PIK3CB: variants seen among roughly 807,000 people sequenced by gnomAD.
PIK3CB encodes phosphatidylinositol 4,5-bisphosphate 3-kinase catalytic subunit beta isoform.
Under a neutral mutation model 136.8 loss-of-function variants are expected in PIK3CB, and 39 were observed. The ratio of observed to expected loss-of-function variants is 0.29; its 90% CI spans 0.22 to 0.37. The LOEUF is 0.37. Ranked by LOEUF, PIK3CB falls within the 10% of genes least tolerant of loss-of-function variation. The probability of loss-of-function intolerance (pLI) is 1.00; values close to 1 mark genes in which losing one functional copy is unlikely to be tolerated. For missense variants in PIK3CB, 868 were observed against 1,275.4 expected, an observed-to-expected ratio of 0.68 and a Z score of 4.87; for synonymous variants, 428 against 436.6, an observed-to-expected ratio of 0.98 and a Z score of 0.25.
At chr3:138,659,066 C>T (rs572884553) in intron 21 of PIK3CB, among the ~76,000 whole-genome samples, 1 of 152,322 alleles carries the variant, frequency 6.6e-6, no homozygotes, top group African/African-American at 2.4e-5. Context: ...AATACTGGCA[C>T]ACACTGACAT....
chr3:138,666,270 A>C (rs2043408305), intron 19 of PIK3CB, among the ~76,000 whole-genome samples: 1 of 152,014 alleles, frequency 6.6e-6, no homozygotes. Flanking sequence ...CCTGGGCTCA[A>C]GGCAATCCTC....
At chr3:138,692,592 T>C (rs1210230519) in intron 14 of PIK3CB, among the ~76,000 whole-genome samples, 2 of 152,216 alleles carry the variant, frequency 1.3e-5, no homozygotes, top group Non-Finnish European at 2.9e-5. Flanking sequence ...ATAGAAAGTA[T>C]AGGAATAGGA....
intron 8 of PIK3CB, 139 bp downstream of exon 8, chr3:138,733,222 T>C (rs947568908): frequency 4.7e-6 from 2 of 426,020 alleles, no homozygotes; most frequent in Admixed American, 4.3e-5. Context: ...AATAGTCTTA[T>C]AATAAATTAC....
At chr3:138,760,049 G>A (rs918211669) in intron 2 of PIK3CB, among the ~76,000 whole-genome samples, 2 of 152,024 alleles carry the variant, frequency 1.3e-5, no homozygotes, top group African/African-American at 2.4e-5. Context: ...AGCCTCCCGA[G>A]TAGCTGAGAC....
At chr3:138,824,932 G>C (rs1469325427) in intron 1 of PIK3CB, 1 of 163,078 alleles carries the variant, frequency 6.1e-6, no homozygotes, top group East Asian at 1.6e-4. Context: ...GGGCATAATG[G>C]TGCATGCCTG....
intron 2 of PIK3CB, among the ~76,000 whole-genome samples, chr3:138,779,388 C>T (rs1460478749): frequency 0.013 from 1,510 of 111,966 alleles, 39 homozygotes; most frequent in African/African-American, 0.048. Context: ...GCCCGGCCTT[C>T]TTTTTTTTTT....
chr3:138,773,461 G>A (rs2045823712), intron 2 of PIK3CB, among the ~76,000 whole-genome samples: 1 of 151,906 alleles, frequency 6.6e-6, no homozygotes, highest in Non-Finnish European at 1.5e-5. Flanking sequence ...CAGTGGAGAG[G>A]GAGGACATTA....
intron 19 of PIK3CB, among the ~76,000 whole-genome samples, chr3:138,673,960 T>C (rs75660842): frequency 1.3e-5 from 2 of 152,320 alleles, no homozygotes; most frequent in East Asian, 3.9e-4. Context: ...TTATTTGACC[T>C]GACTCAGACC....
Position 138,657,777 on chromosome 3 carries a change from T to C in PIK3CB, c.2855A>G (p.Lys952Arg). Reference sequence around the variant, plus strand: ...AAGAATAAAAGGCACTCGCTCCCTTTTAATGCCAAACTTAGATTTGAAATT... The same window carrying C: ...AAGAATAAAAGGCACTCGCTCCCTTCTAATGCCAAACTTAGATTTGAAATT... ...LGNFKSKFGI[K>R]RERVPFILTY... Residue 952 changes from lysine (K) to arginine (R), a missense_variant, in exon 22 of 24, where the codon AAA becomes AGA. Lys to Arg is a conservative substitution (Grantham distance 26). Around this residue, in one of 4 missense-constraint regions of PIK3CB, gnomAD observed 88 missense variants for 147.8 expected, o/e 0.60. Coordinates refer to ENST00000674063, the MANE Select transcript of PIK3CB (RefSeq NM_006219.3). 1 of 1,613,194 alleles carries C rather than the reference T, an allele frequency of 6.2e-7. No individual in the cohort carries two copies. Among genetic ancestry groups the C allele is most frequent in the Non-Finnish European group, 8.5e-7 (1 of 1,179,478 alleles).
chr3:138,672,563 C>T (rs1364332252), intron 19 of PIK3CB, among the ~76,000 whole-genome samples: 5 of 152,062 alleles, frequency 3.3e-5, no homozygotes, highest in South Asian at 2.1e-4. Flanking sequence ...AATAAAGTCA[C>T]GCAGATAAAT....
chr3:138,707,686 C>A (rs1380669364), intron 10 of PIK3CB: 5 of 309,348 alleles, frequency 1.6e-5, no homozygotes, highest in South Asian at 1.2e-4. Flanking sequence ...TCACAATAAC[C>A]AAATTGGTAT....
intron 21 of PIK3CB, among the ~76,000 whole-genome samples, chr3:138,660,209 A>G (rs1420878159): frequency 6.6e-6 from 1 of 152,126 alleles, no homozygotes; most frequent in Admixed American, 6.5e-5. Context: ...CCGCCACTCT[A>G]TAAGGTTGTC....
rs184884788 is a variant in PIK3CB, at chr3:138,820,641, G to A, written c.-122+14054C>T. Among the ~76,000 whole-genome samples, 124 of 152,128 alleles carry A rather than the reference G, an allele frequency of 8.2e-4. 1 individual carries two copies. Among genetic ancestry groups the A allele is most frequent in the Middle Eastern group, 3.4e-3 (1 of 294 alleles). On this transcript the variant is annotated intron_variant, in intron 1 of 23. Transcript: ENST00000674063. ...CCCAAGTAGTTCAGATTACAAGTGC[G>A]CACCACCACACCTGGCTAATTTTTG... is the stretch of plus-strand genomic sequence containing the variant.
chr3:138,734,070 T>C (rs1167526023), intron 7 of PIK3CB, among the ~76,000 whole-genome samples: 1 of 151,934 alleles, frequency 6.6e-6, no homozygotes, highest in Non-Finnish European at 1.5e-5. Context: ...CATCAAGGAG[T>C]AGTTCAATAT....
Position 138,714,453 on chromosome 3 carries a change from T to A in PIK3CB, c.1302+15A>T, listed in dbSNP as rs371861686. ...CGTTATATAAAACAATCCTCAGAAG[T>A]TGGTATATCATTACCACTTTTCCAG... On this transcript the variant is annotated intron_variant, in intron 9 of 23. Coordinates refer to ENST00000674063, the MANE Select transcript of PIK3CB (RefSeq NM_006219.3). 12 of 1,550,650 alleles carry A rather than the reference T, an allele frequency of 7.7e-6. No individual in the cohort carries two copies. The African/African-American group carries it at 1.6e-4, about 21-fold the overall frequency.
At chr3:138,685,305 A>G (rs149079364) in intron 16 of PIK3CB, among the ~76,000 whole-genome samples, 2,122 of 148,364 alleles carry the variant, frequency 0.014, 17 homozygotes, top group Non-Finnish European at 0.023. Context: ...GAGGCATAAG[A>G]ATCGCTTTAA....
At chr3:138,676,793 T>A (rs1481403007) in intron 19 of PIK3CB, among the ~76,000 whole-genome samples, 1 of 152,082 alleles carries the variant, frequency 6.6e-6, no homozygotes, top group Non-Finnish European at 1.5e-5. Flanking sequence ...CCAAAAAAGG[T>A]ACATCTATAG....
At chr3:138,771,636 TATC>T (rs1383045219) in intron 2 of PIK3CB, among the ~76,000 whole-genome samples, 1 of 152,234 alleles carries the variant, frequency 6.6e-6, no homozygotes, top group Admixed American at 6.5e-5. Context: ...TTATATATCA[TATC>T]ATTTATAATA....
chr3:138,669,372 C>T (rs2043482558), intron 19 of PIK3CB, among the ~76,000 whole-genome samples: 1 of 125,634 alleles, frequency 8.0e-6, no homozygotes, highest in African/African-American at 3.1e-5. Context: ...TGTGCTACTG[C>T]ACTCCAGCTG....
Sources: gnomAD v4.1 joint callset for allele counts (sites outside exome capture counted in the v4.1 genomes callset) on GRCh38, gnomAD v4.1.1 for gene constraint, gnomAD v4.1.1 regional missense constraint, MANE v1.5 for transcripts, NCBI Gene and HGNC (gene_info 2026-07-23, HGNC 2026-07-21) for gene names.